KCNAB1: variants seen among roughly 807,000 people sequenced by gnomAD.
KCNAB1 encodes voltage-gated potassium channel subunit beta-1.
In KCNAB1, 35 loss-of-function variants were observed where a neutral mutation model predicts 64.6. That is an observed-to-expected ratio of 0.54 (90% CI 0.41 to 0.72). KCNAB1 has a LOEUF of 0.72. Among genes scored for constraint, KCNAB1 ranks in the 30% least tolerant of loss-of-function variants. The pLI is 0.00. For missense variants in KCNAB1, 401 were observed against 512.9 expected (o/e 0.78, Z 2.11); for synonymous variants, 177 against 183.8 (o/e 0.96, Z 0.30).
rs142973007 is a variant in KCNAB1 at position 156,448,742 on chromosome 3, ATGTT to A, written c.320-4150_320-4147del. 3.9e-3 allele frequency among the ~76,000 whole-genome samples: 513 copies of A among 131,870 alleles called. 4 individuals are homozygous for A. Among genetic ancestry groups the A allele is most frequent in the African/African-American group, 0.018 (456 of 25,040 alleles). 86.5% of individuals were successfully genotyped at this position (131,870 alleles called of 152,430 possible). A position where few individuals can be genotyped will look rare whatever the true frequency, so the allele number is the denominator to read the frequency against. ...CATTTTTCTATAAGTCATAATAAAG[ATGTT>A]TGTTTGGTAGGAAATATTCATTTTT... On this transcript the variant is annotated intron_variant, in intron 2 of 13. Transcript: ENST00000490337.
intron 1 of KCNAB1, among the ~76,000 whole-genome samples, chr3:156,398,674 C>A (rs1713665199): frequency 6.6e-6 from 1 of 150,820 alleles, no homozygotes; most frequent in South Asian, 2.1e-4. Flanking sequence ...ACAGTGTATA[C>A]CTATGTAACA....
intron 1 of KCNAB1, among the ~76,000 whole-genome samples, chr3:156,269,913 C>CTTTTT (rs34741042): frequency 2.6e-5 from 3 of 114,506 alleles, no homozygotes; most frequent in Non-Finnish European, 3.5e-5. Flanking sequence ...CCGGGGCTTG[C>CTTTTT]TTTTTTTTTT....
intron 8 of KCNAB1, among the ~76,000 whole-genome samples, chr3:156,510,703 C>A (rs761078558): frequency 1.2e-4 from 19 of 152,218 alleles, no homozygotes; most frequent in Non-Finnish European, 2.8e-4. Context: ...TTCTCATGGT[C>A]TGCAGTGGTC....
In KCNAB1 at chr3:156,131,190, C is replaced by T. The variant is rs563504143; in HGVS notation, c.275+10304C>T. Among the ~76,000 whole-genome samples the T allele has an allele frequency of 2.6e-5, 4 of 152,214 alleles. No individual in the cohort carries two copies. The East Asian group carries it at 7.7e-4, about 29-fold the overall frequency. On this transcript the variant is annotated intron_variant, in intron 1 of 13. Transcript: ENST00000490337. The stretch of plus-strand genomic sequence containing the variant: ...TTTACCATTGTATTGTGTGTTTTTG[C>T]TGCATGGGAGGAGGAAACAACACGG...
At chr3:156,430,270 G>A (rs897532300) in intron 2 of KCNAB1, among the ~76,000 whole-genome samples, 1 of 152,186 alleles carries the variant, frequency 6.6e-6, no homozygotes, top group African/African-American at 2.4e-5. Context: ...GAGAACTCGA[G>A]GAGAGAAAAT....
intron 1 of KCNAB1, among the ~76,000 whole-genome samples, chr3:156,246,981 T>C (rs183673416): frequency 6.6e-6 from 1 of 152,340 alleles, no homozygotes; most frequent in East Asian, 1.9e-4. Context: ...GCTCTTTCAG[T>C]TATCTATCAA....
At chr3:156,223,467 C>T (rs1469360172) in intron 1 of KCNAB1, among the ~76,000 whole-genome samples, 3 of 152,200 alleles carry the variant, frequency 2.0e-5, no homozygotes, top group African/African-American at 7.2e-5. Flanking sequence ...CATTTACAAT[C>T]CCTGAGCTAG....
intron 1 of KCNAB1, among the ~76,000 whole-genome samples, chr3:156,400,804 T>C (rs1713835284): frequency 6.6e-6 from 1 of 152,206 alleles, no homozygotes; most frequent in Non-Finnish European, 1.5e-5. Flanking sequence ...AAATCCTTTC[T>C]TCCTGGGAAG....
At position 156,401,892 on chromosome 3, in the gene KCNAB1, A is replaced by C. The variant is rs79749230; in HGVS notation, c.276-19724A>C. On this transcript the variant is annotated intron_variant, in intron 1 of 13. Transcript: ENST00000490337. ...AACTTTTTTTTTTTTTTACACTAGT[A>C]GTGTTTGGAGAAGCAAATTGTGGTT... is the stretch of plus-strand genomic sequence containing the variant. 9.9e-3 allele frequency among the ~76,000 whole-genome samples: 1,504 copies of C among 151,300 alleles called. 28 individuals are homozygous for C. Among genetic ancestry groups the C allele is most frequent in the African/African-American group, 0.033 (1,357 of 41,202 alleles).
At chr3:156,281,241 G>C (rs1309407580) in intron 1 of KCNAB1, among the ~76,000 whole-genome samples, 2 of 150,562 alleles carry the variant, frequency 1.3e-5, no homozygotes, top group African/African-American at 4.9e-5. Flanking sequence ...TTTTGTCTTT[G>C]GCTCTGTTTA....
intron 1 of KCNAB1, among the ~76,000 whole-genome samples, chr3:156,303,259 A>C (rs908021969): frequency 6.6e-6 from 1 of 152,188 alleles, no homozygotes; most frequent in African/African-American, 2.4e-5. Flanking sequence ...AAATCATTTA[A>C]GTCTATATAC....
At chr3:156,503,055 A>G (rs974323230) in intron 8 of KCNAB1, among the ~76,000 whole-genome samples, 6 of 152,226 alleles carry the variant, frequency 3.9e-5, no homozygotes, top group Admixed American at 6.5e-5. Context: ...ATTGTACTCT[A>G]TACTCATTGT....
chr3:156,420,557 A>G (rs1021354427), intron 1 of KCNAB1, among the ~76,000 whole-genome samples: 6 of 152,204 alleles, frequency 3.9e-5, no homozygotes, highest in South Asian at 2.1e-4. Flanking sequence ...TGTGCCACCA[A>G]TTTGGAAGTT....
chr3:156,443,599 G>A (rs1257560853), intron 2 of KCNAB1, among the ~76,000 whole-genome samples: 5 of 152,140 alleles, frequency 3.3e-5, no homozygotes, highest in East Asian at 1.9e-4. Context: ...ACCTAGCACC[G>A]AAGGAGCTAG....
downstream of KCNAB1, chr3:156,538,742 G>A (rs1719252140): frequency 6.6e-6 from 1 of 152,220 alleles, no homozygotes; most frequent in East Asian, 1.9e-4. Context: ...CAGCTAAGCT[G>A]CACTGAATAC....
chr3:156,357,847 A>G (rs1725361842), intron 1 of KCNAB1, among the ~76,000 whole-genome samples: 1 of 147,090 alleles, frequency 6.8e-6, no homozygotes. Flanking sequence ...TATAGTTTTT[A>G]TACTAAATCT....
At chr3:156,235,506 G>A (rs1038573769) in intron 1 of KCNAB1, among the ~76,000 whole-genome samples, 1 of 152,202 alleles carries the variant, frequency 6.6e-6, no homozygotes, top group Admixed American at 6.5e-5. Context: ...CTGGGTGACA[G>A]TGTTACCCAG....
chr3:156,232,895 C>A (rs1716617451), intron 1 of KCNAB1, among the ~76,000 whole-genome samples: 1 of 152,162 alleles, frequency 6.6e-6, no homozygotes, highest in Non-Finnish European at 1.5e-5. Context: ...AGAAAGTTTT[C>A]TTTCATTTTT....
rs531054327 is a variant in KCNAB1, at chr3:156,475,803, C to T, written c.658+983C>T. ...GTAATGGAAAAGTATAAATGATTGA[C>T]ATATTATAAATTTTTCTGGGTTGTA... On this transcript the variant is annotated intron_variant, in intron 8 of 13. Transcript: ENST00000490337. 3.3e-5 allele frequency among the ~76,000 whole-genome samples: 5 copies of T among 152,174 alleles called. No individual in the cohort carries two copies. The South Asian group carries it at 1.0e-3, about 32-fold the overall frequency.
Sources: gnomAD v4.1 joint callset for allele counts (sites outside exome capture counted in the v4.1 genomes callset) on GRCh38, gnomAD v4.1.1 for gene constraint, MANE v1.5 for transcripts, NCBI Gene and HGNC (gene_info 2026-07-23, HGNC 2026-07-21) for gene names.